The following TNFAIP8 variants were observed in gnomAD, a reference collection of about 807,000 sequenced individuals.
TNFAIP8 encodes the protein tumor necrosis factor alpha-induced protein 8.
TNFAIP8 carries 7 observed loss-of-function variants against 13.3 expected under a neutral mutation model. The observed-to-expected ratio is 0.52, with a 90% CI of 0.30 to 0.99. TNFAIP8 has a LOEUF of 0.99. TNFAIP8 is among the 50% of genes least tolerant of loss of function. The pLI is 0.07. For missense variants in TNFAIP8, 258 were observed against 236.9 expected, an observed-to-expected ratio of 1.09 and a Z score of -0.58; for synonymous variants, 94 against 87.6, an observed-to-expected ratio of 1.07 and a Z score of -0.41.
At chr5:119,339,761 G>A (rs1001446818) in intron 1 of TNFAIP8, among the ~76,000 whole-genome samples, 16 of 152,262 alleles carry the variant, frequency 1.1e-4, no homozygotes, top group African/African-American at 2.2e-4. Flanking sequence ...TACATGCTCC[G>A]ATAAAACACT....
At chr5:119,360,424 A>G (rs1751587823) in intron 1 of TNFAIP8, among the ~76,000 whole-genome samples, 3 of 152,252 alleles carry the variant, frequency 2.0e-5, no homozygotes, top group Non-Finnish European at 4.4e-5. Context: ...TTTAAAACAT[A>G]GTGTAAGCTG....
chr5:119,309,552 C>G (rs964969657), intron 1 of TNFAIP8, among the ~76,000 whole-genome samples: 8 of 152,132 alleles, frequency 5.3e-5, no homozygotes, highest in African/African-American at 1.7e-4. Flanking sequence ...GAAGATGGCT[C>G]TCAAGACTAT....
At chr5:119,376,336 A>G (rs1752281205) in intron 1 of TNFAIP8, among the ~76,000 whole-genome samples, 1 of 150,948 alleles carries the variant, frequency 6.6e-6, no homozygotes, top group South Asian at 2.1e-4. Flanking sequence ...GCTGGTCTCG[A>G]ACTGCTCTCT....
At chr5:119,285,154 G>A (rs985920031) in intron 1 of TNFAIP8, among the ~76,000 whole-genome samples, 4 of 152,212 alleles carry the variant, frequency 2.6e-5, no homozygotes, top group Non-Finnish European at 4.4e-5. Context: ...CTGGACAGGC[G>A]AGCAGGAGGA....
intron 1 of TNFAIP8, among the ~76,000 whole-genome samples, chr5:119,343,312 T>C (rs562814763): frequency 6.6e-6 from 1 of 152,368 alleles, no homozygotes; most frequent in East Asian, 1.9e-4. Context: ...GGTTTGCAGC[T>C]GTCAGATTTA....
chr5:119,335,298 G>C (rs544361582), intron 1 of TNFAIP8, among the ~76,000 whole-genome samples: 12 of 152,304 alleles, frequency 7.9e-5, no homozygotes, highest in African/African-American at 2.9e-4. Flanking sequence ...GAACGAGAGA[G>C]AGGAGGTGAG....
chr5:119,380,061 A>C (rs1168950495), intron 1 of TNFAIP8, among the ~76,000 whole-genome samples: 1 of 152,252 alleles, frequency 6.6e-6, no homozygotes, highest in East Asian at 1.9e-4. Flanking sequence ...TGTGTGCTAT[A>C]GTAAGAAGTA....
At chr5:119,361,886 G>T (rs1009380362) in intron 1 of TNFAIP8, among the ~76,000 whole-genome samples, 1 of 152,204 alleles carries the variant, frequency 6.6e-6, no homozygotes, top group Non-Finnish European at 1.5e-5. Flanking sequence ...TCCCTTGCCT[G>T]CTGCTGCCTT....
chr5:119,329,448 C>T (rs1016971765), intron 1 of TNFAIP8, among the ~76,000 whole-genome samples: 15 of 152,148 alleles, frequency 9.9e-5, no homozygotes, highest in African/African-American at 2.9e-4. Flanking sequence ...CAGCTGTTCA[C>T]ACTGCTTAAC....
At chr5:119,296,243 G>A (rs971266264) in intron 1 of TNFAIP8, among the ~76,000 whole-genome samples, 45 of 151,944 alleles carry the variant, frequency 3.0e-4, no homozygotes, top group Non-Finnish European at 1.2e-4. Flanking sequence ...TGCCCATTCA[G>A]TATGATATTG....
chr5:119,368,961 C>G (rs1751972858), intron 1 of TNFAIP8, among the ~76,000 whole-genome samples: 1 of 151,936 alleles, frequency 6.6e-6, no homozygotes, highest in African/African-American at 2.4e-5. Flanking sequence ...CTGGAATCCT[C>G]TACCCTAAAT....
chr5:119,365,115 G>A (rs1751797985), intron 1 of TNFAIP8, among the ~76,000 whole-genome samples: 1 of 151,982 alleles, frequency 6.6e-6, no homozygotes, highest in Non-Finnish European at 1.5e-5. Context: ...GCCTCCCAAA[G>A]TGCTGGGATT....
chr5:119,302,061 C>T (rs1011425772), intron 1 of TNFAIP8, among the ~76,000 whole-genome samples: 1 of 152,218 alleles, frequency 6.6e-6, no homozygotes, highest in African/African-American at 2.4e-5. Flanking sequence ...TTGTTTCAGT[C>T]CCCATCTCTT....
At chr5:119,372,913 A>G (rs1286500463) in intron 1 of TNFAIP8, among the ~76,000 whole-genome samples, 1 of 152,226 alleles carries the variant, frequency 6.6e-6, no homozygotes, top group Non-Finnish European at 1.5e-5. Context: ...GTGAGCCAAG[A>G]TGGCGCCACT....
chr5:119,360,577 A>T (rs1303762496), intron 1 of TNFAIP8, among the ~76,000 whole-genome samples: 1 of 152,198 alleles, frequency 6.6e-6, no homozygotes, highest in Admixed American at 6.5e-5. Flanking sequence ...CGACTTTGCC[A>T]ATCCTTCTTT....
At chr5:119,280,366 C>T (rs550804733) in intron 1 of TNFAIP8, among the ~76,000 whole-genome samples, 1 of 150,262 alleles carries the variant, frequency 6.7e-6, no homozygotes, top group African/African-American at 2.5e-5. Context: ...CTCTTTTAAT[C>T]TACAGACCCC....
chr5:119,362,724 C>G (rs1021335392), intron 1 of TNFAIP8, among the ~76,000 whole-genome samples: 2 of 151,298 alleles, frequency 1.3e-5, no homozygotes, highest in Non-Finnish European at 2.9e-5. Flanking sequence ...CCCAGGAGTT[C>G]AAGGCTGCAG....
intron 1 of TNFAIP8, among the ~76,000 whole-genome samples, chr5:119,343,149 C>T (rs1433399733): frequency 6.6e-6 from 1 of 152,114 alleles, no homozygotes; most frequent in African/African-American, 2.4e-5. Flanking sequence ...TGATAGGTGG[C>T]TAGTAAGGTT....
chr5:119,303,341 AC>A (rs1317696913), intron 1 of TNFAIP8, among the ~76,000 whole-genome samples: 1 of 152,170 alleles, frequency 6.6e-6, no homozygotes, highest in African/African-American at 2.4e-5. Context: ...ATGTTTTGCC[AC>A]TGACAACATG....
Sources: gnomAD v4.1 joint callset for allele counts (sites outside exome capture counted in the v4.1 genomes callset) on GRCh38, gnomAD v4.1.1 for gene constraint, MANE v1.5 for transcripts, NCBI Gene and HGNC (gene_info 2026-07-23, HGNC 2026-07-21) for gene names.